Variants in MN1 observed in about 807,000 individuals in gnomAD.
MN1 encodes the protein transcriptional activator MN1.
MN1 carries 19 observed loss-of-function variants against 86.9 expected under a neutral mutation model. The ratio of observed to expected loss-of-function variants is 0.22; its 90% CI spans 0.15 to 0.32. MN1 has a LOEUF of 0.32. Ranked by LOEUF, MN1 falls within the 10% of genes least tolerant of loss-of-function variation. MN1 has a pLI of 1.00. For missense variants in MN1, 1,841 were observed against 1,862.0 expected (o/e 0.99, Z 0.21); for synonymous variants, 928 against 849.6 (o/e 1.09, Z -1.60).
rs1555884191 is a variant in MN1, at chr22:27,801,317, C to CTCGGCAGCCGGTGCGCTGCGT, written c.-775_-774insACGCAGCGCACCGGCTGCCGA. 7 of 218,220 alleles carry CTCGGCAGCCGGTGCGCTGCGT rather than the reference C, an allele frequency of 3.2e-5. No individual in the cohort carries two copies. Among genetic ancestry groups the CTCGGCAGCCGGTGCGCTGCGT allele is most frequent in the Admixed American group, 1.2e-4 (2 of 17,208 alleles). 13.5% of individuals were successfully genotyped at this position (218,220 alleles called of 1,614,324 possible). On this transcript the variant is annotated 5_prime_UTR_variant, in exon 1 of 2. Transcript: ENST00000302326. ...GTCGGGGAAAGGCGCGGCTCCTCTG[C>CTCGGCAGCCGGTGCGCTGCGT]TCGGCAGCGGGTGCGCTGCGTTCGG... is the stretch of plus-strand genomic sequence containing the variant.
At position 27,749,539 on chromosome 22, in the gene MN1, C is replaced by T. The variant is rs902657829; in HGVS notation, c.*1376G>A. 8.6e-6 allele frequency: 2 copies of T among 232,306 alleles called. No individual in the cohort carries two copies. Among genetic ancestry groups the T allele is most frequent in the African/African-American group, 2.2e-5 (1 of 45,274 alleles). 14.4% of individuals were successfully genotyped at this position (232,306 alleles called of 1,614,324 possible). A position where few individuals can be genotyped will look rare whatever the true frequency, so the allele number is the denominator to read the frequency against. On this transcript the variant is annotated 3_prime_UTR_variant, in exon 2 of 2. Transcript: ENST00000302326. ...TCAGCAGCACCCAAAGTTGCCTGCC[C>T]CTGCCAACCACCACTCATCTCTGCT...
At chr22:27,786,471 C>CACCA (rs1933134597) in intron 1 of MN1, among the ~76,000 whole-genome samples, 1 of 149,860 alleles carries the variant, frequency 6.7e-6, no homozygotes, top group Non-Finnish European at 1.5e-5. Context: ...CTACCACCAC[C>CACCA]ACCACCATGT....
chr22:27,768,634 AT>A (rs1450719970), intron 1 of MN1, among the ~76,000 whole-genome samples: 1 of 152,072 alleles, frequency 6.6e-6, no homozygotes, highest in Non-Finnish European at 1.5e-5. Context: ...CAGCTTTCAC[AT>A]TTTTTAAATA....
chr22:27,785,618 C>T (rs1174905428), intron 1 of MN1, among the ~76,000 whole-genome samples: 1 of 152,174 alleles, frequency 6.6e-6, no homozygotes, highest in African/African-American at 2.4e-5. Context: ...GGGGCTCTTG[C>T]AACTTCGCTG....
intron 1 of MN1, among the ~76,000 whole-genome samples, chr22:27,796,326 G>A (rs1390200808): frequency 4.6e-5 from 7 of 152,124 alleles, no homozygotes; most frequent in Middle Eastern, 3.2e-3. Context: ...GGTGGGAGGC[G>A]TTAACACAAC....
At chr22:27,793,939 G>A (rs1026085671) in intron 1 of MN1, among the ~76,000 whole-genome samples, 3 of 152,050 alleles carry the variant, frequency 2.0e-5, no homozygotes, top group Non-Finnish European at 2.9e-5. Context: ...CATGTTTTAC[G>A]GCGTGACAAA....
intron 1 of MN1, among the ~76,000 whole-genome samples, chr22:27,761,739 G>A (rs1390840660): frequency 6.6e-6 from 1 of 152,234 alleles, no homozygotes; most frequent in East Asian, 1.9e-4. Flanking sequence ...CAGGCCCCAC[G>A]AGGGTGAAGC....
chr22:27,797,542 T>A lies in MN1; in HGVS notation c.3002A>T (p.His1001Leu). Reference sequence around the variant, plus strand: ...GGATGGCGACGTGAGCGCCTTTTCGTGGGGCGTCGGTGCCCCGCGCGTCTC... The same window carrying A: ...GGATGGCGACGTGAGCGCCTTTTCGAGGGGCGTCGGTGCCCCGCGCGTCTC... The part of the protein sequence containing the change: ...AGETRGAPTP[H>L]EKALTSPSWG... The change falls in exon 1 of 2, where the codon CAC becomes CTC. Residue 1001 changes from histidine to leucine, a missense_variant. By Grantham distance (99) the His-to-Leu change is moderately conservative. Transcript: ENST00000302326. 6.2e-7 allele frequency: 1 copy of A among 1,608,276 alleles called. No individual in the cohort carries two copies. Among genetic ancestry groups the A allele is most frequent in the Non-Finnish European group, 8.5e-7 (1 of 1,178,382 alleles).
chr22:27,779,980 C>T (rs925476367), intron 1 of MN1, among the ~76,000 whole-genome samples: 2 of 152,160 alleles, frequency 1.3e-5, no homozygotes, highest in African/African-American at 4.8e-5. Flanking sequence ...TGAACCCTTA[C>T]CTTAGGACCC....
intron 1 of MN1, among the ~76,000 whole-genome samples, chr22:27,766,862 G>A (rs1932873819): frequency 6.6e-6 from 1 of 152,132 alleles, no homozygotes; most frequent in Admixed American, 6.5e-5. Context: ...GTAGTACGCT[G>A]TCACCAAGGG....
intron 1 of MN1, among the ~76,000 whole-genome samples, chr22:27,774,596 T>C (rs1490524485): frequency 1.3e-5 from 2 of 152,208 alleles, no homozygotes; most frequent in Non-Finnish European, 2.9e-5. Context: ...CTACATTTTT[T>C]TCCTCCAATA....
At chr22:27,776,360 C>A (rs548691036) in intron 1 of MN1, among the ~76,000 whole-genome samples, 1 of 152,300 alleles carries the variant, frequency 6.6e-6, no homozygotes, top group African/African-American at 2.4e-5. Context: ...CACAGGGAAA[C>A]CCTAATTAAG....
chr22:27,786,222 C>T (rs968756578), intron 1 of MN1, among the ~76,000 whole-genome samples: 1 of 152,144 alleles, frequency 6.6e-6, no homozygotes, highest in African/African-American at 2.4e-5. Context: ...GTGGGGAGCC[C>T]AGAGAGGAAG....
chr22:27,792,303 A>C (rs1015898607), intron 1 of MN1, among the ~76,000 whole-genome samples: 13 of 135,408 alleles, frequency 9.6e-5, no homozygotes, highest in African/African-American at 3.3e-4. Flanking sequence ...AAGCCCTTCA[A>C]TCTATAAAAA....
In MN1 at chr22:27,797,834, A is replaced by G; in HGVS notation, c.2710T>C (p.Ser904Pro). The part of the protein sequence containing the change: ...SGTSSSGSKA[S>P]GPPNPPAQGD... The stretch of plus-strand genomic sequence containing the variant: ...TGGGCTGGAGGGTTGGGCGGCCCCG[A>G]GGCTTTGGAGCCGCTGCTACTGGTC... Residue 904 changes from serine to proline, a missense_variant, in exon 1 of 2, where the codon TCG becomes CCG. By Grantham distance (74) the Ser-to-Pro change is moderately conservative (BLOSUM62 -1). Transcript: ENST00000302326. The G allele has an allele frequency of 1.9e-6, 3 of 1,578,522 alleles. No homozygotes were observed. Among genetic ancestry groups the G allele is most frequent in the Non-Finnish European group, 2.6e-6 (3 of 1,164,476 alleles).
chr22:27,789,475 T>A (rs1203242438), intron 1 of MN1, among the ~76,000 whole-genome samples: 1 of 152,124 alleles, frequency 6.6e-6, no homozygotes, highest in Non-Finnish European at 1.5e-5. Flanking sequence ...GGGAATAAGA[T>A]GGAAGCTTCT....
intron 1 of MN1, among the ~76,000 whole-genome samples, chr22:27,772,969 C>G (rs1433555483): frequency 6.6e-6 from 1 of 151,500 alleles, no homozygotes; most frequent in Non-Finnish European, 1.5e-5. Flanking sequence ...GGGGGAGAAT[C>G]AGGAGAAGAA....
chr22:27,763,703 G>A (rs1186993921), intron 1 of MN1, among the ~76,000 whole-genome samples: 1 of 152,206 alleles, frequency 6.6e-6, no homozygotes, highest in Admixed American at 6.5e-5. Flanking sequence ...ACAGCCACAT[G>A]TGTGCCTGCA....
At chr22:27,782,559 G>A (rs1384345598) in intron 1 of MN1, among the ~76,000 whole-genome samples, 1 of 152,216 alleles carries the variant, frequency 6.6e-6, no homozygotes, top group Non-Finnish European at 1.5e-5. Context: ...TATAGTCAGT[G>A]CTCAGTAAAA....
Sources: allele counts gnomAD v4.1 joint callset (sites outside exome capture counted in the v4.1 genomes callset), GRCh38; gene constraint gnomAD v4.1.1; transcripts MANE v1.5; gene names NCBI Gene and HGNC (gene_info 2026-07-23, HGNC 2026-07-21).